The following SLC2A14 variants were observed in gnomAD, a reference collection of about 807,000 sequenced individuals.
SLC2A14 encodes the protein solute carrier family 2 member 14, also known as solute carrier family 2, facilitated glucose transporter member 14.
In SLC2A14, 13 loss-of-function variants were observed where a neutral mutation model predicts 43.0. The observed-to-expected ratio is 0.30, with a 90% CI of 0.20 to 0.48. The LOEUF is 0.48. SLC2A14 is among the 20% of genes least tolerant of loss of function. The pLI, the probability that SLC2A14 is intolerant of heterozygous loss-of-function variation, is 0.99. For synonymous variants in SLC2A14, 190 were observed against 233.8 expected (o/e 0.81, Z 1.71); for missense variants, 428 against 620.4 (o/e 0.69, Z 3.29).
At chr12:7,869,818 C>T in intron 2 of SLC2A14, 45 bp downstream of exon 2, 1 of 1,259,354 alleles carries the variant, frequency 7.9e-7, no homozygotes, top group Non-Finnish European at 1.1e-6. Flanking sequence ...ATCAACATAA[C>T]TCTGACAAAC....
chr12:7,835,831 C>T (rs985299748), intron 2 of SLC2A14, among the ~76,000 whole-genome samples: 1 of 152,294 alleles, frequency 6.6e-6, no homozygotes, highest in African/African-American at 2.4e-5. Flanking sequence ...GTTAAAGCAA[C>T]TTTTTAATCT....
At chr12:7,881,011 C>A (rs956156825) in intron 1 of SLC2A14, among the ~76,000 whole-genome samples, 6 of 152,070 alleles carry the variant, frequency 3.9e-5, no homozygotes, top group Non-Finnish European at 8.8e-5. Context: ...TGGTGGCAGG[C>A]GCCTGTTGTC....
chr12:7,885,929 A>G (rs1320681033), intron 1 of SLC2A14, among the ~76,000 whole-genome samples: 2 of 152,090 alleles, frequency 1.3e-5, no homozygotes, highest in Non-Finnish European at 2.9e-5. Context: ...TCATAGATAC[A>G]TATGTGAAGA....
At chr12:7,826,065 G>T (rs1220955355) in intron 7 of SLC2A14, among the ~76,000 whole-genome samples, 5 of 151,850 alleles carry the variant, frequency 3.3e-5, no homozygotes, top group Non-Finnish European at 7.4e-5. Context: ...TGCCTCACCT[G>T]CCTAGTCCCA....
At chr12:7,853,236 T>C (rs2120941144) in intron 2 of SLC2A14, among the ~76,000 whole-genome samples, 1 of 151,788 alleles carries the variant, frequency 6.6e-6, no homozygotes, top group African/African-American at 2.4e-5. Context: ...GTCAGGAGTT[T>C]GAGAGCAGCC....
chr12:7,816,013 G>C (rs939126846), intron 10 of SLC2A14, among the ~76,000 whole-genome samples: 28 of 151,838 alleles, frequency 1.8e-4, no homozygotes, highest in African/African-American at 6.5e-4. Flanking sequence ...CAATTCTCCT[G>C]CCTCAGCCTC....
chr12:7,829,191 G>A (rs1022025211), intron 5 of SLC2A14, among the ~76,000 whole-genome samples: 4 of 152,016 alleles, frequency 2.6e-5, no homozygotes, highest in Admixed American at 1.3e-4. Flanking sequence ...CAGACTGGGC[G>A]ACAGAGTGAG....
At chr12:7,875,553 C>T (rs1945449609), upstream of SLC2A14, among the ~76,000 whole-genome samples, 2 of 151,694 alleles carry the variant, frequency 1.3e-5, 1 homozygote, top group South Asian at 4.2e-4. Flanking sequence ...TTGAATGTTT[C>T]TACCCCCTCA....
At chr12:7,817,327 G>A (rs73060710) in intron 10 of SLC2A14, among the ~76,000 whole-genome samples, 1 of 151,714 alleles carries the variant, frequency 6.6e-6, no homozygotes, top group East Asian at 2.0e-4. Context: ...GTTGGTCAGA[G>A]TGGTCTCTAC....
At chr12:7,861,855 G>C (rs1016368758) in intron 2 of SLC2A14, among the ~76,000 whole-genome samples, 2 of 151,708 alleles carry the variant, frequency 1.3e-5, no homozygotes, top group African/African-American at 4.8e-5. Flanking sequence ...CCACCTACTC[G>C]GGAGGCTGAC....
chr12:7,888,522 G>C (rs992714505), intron 1 of SLC2A14, among the ~76,000 whole-genome samples: 1 of 151,982 alleles, frequency 6.6e-6, no homozygotes, highest in African/African-American at 2.4e-5. Context: ...TGGACTGGCC[G>C]GGTGCAGTGG....
intron 7 of SLC2A14, among the ~76,000 whole-genome samples, chr12:7,822,787 C>A (rs886543707): frequency 6.6e-6 from 1 of 152,154 alleles, no homozygotes; most frequent in African/African-American, 2.4e-5. Flanking sequence ...AAGTGATCCT[C>A]CTGCCTCTCA....
intron 1 of SLC2A14, among the ~76,000 whole-genome samples, chr12:7,878,972 G>A (rs1475990619): frequency 5.4e-5 from 3 of 55,740 alleles, no homozygotes; most frequent in African/African-American, 7.6e-5. Context: ...GCAAGAGTCC[G>A]TCTCAAAAAA....
chr12:7,877,049 G>C (rs774956800), upstream of SLC2A14, among the ~76,000 whole-genome samples: 9 of 149,502 alleles, frequency 6.0e-5, no homozygotes, highest in Non-Finnish European at 8.9e-5. Flanking sequence ...TGTCACCCAG[G>C]CTGCAGTGCA....
chr12:7,836,273 T>G (rs753097685), intron 2 of SLC2A14, among the ~76,000 whole-genome samples: 3 of 151,302 alleles, frequency 2.0e-5, no homozygotes, highest in Non-Finnish European at 2.9e-5. Flanking sequence ...CAGGCTGGTG[T>G]GCAGTGGCAT....
chr12:7,856,751 C>G (rs962412893), intron 2 of SLC2A14, among the ~76,000 whole-genome samples: 1 of 152,110 alleles, frequency 6.6e-6, no homozygotes, highest in African/African-American at 2.4e-5. Context: ...CTCGGCTCCA[C>G]CCCAGGCCTG....
chr12:7,836,544 T>C (rs1865478566), intron 2 of SLC2A14, among the ~76,000 whole-genome samples: 4 of 152,066 alleles, frequency 2.6e-5, no homozygotes, highest in Admixed American at 6.6e-5. Context: ...ATTAAAAATT[T>C]TTCTGCTGGG....
intron 1 of SLC2A14, among the ~76,000 whole-genome samples, chr12:7,890,484 T>C (rs964705610): frequency 6.6e-6 from 1 of 151,358 alleles, no homozygotes; most frequent in East Asian, 1.9e-4. Context: ...TGCACTTTTT[T>C]CAGTACTTAT....
intron 1 of SLC2A14, 45 bp from the exon 2 acceptor site, chr12:7,869,982 A>T: frequency 7.9e-7 from 1 of 1,273,628 alleles, no homozygotes. Context: ...CCATCTACTT[A>T]AGCTCCTTGA....
Sources: gnomAD v4.1 joint callset for allele counts (sites outside exome capture counted in the v4.1 genomes callset) on GRCh38, gnomAD v4.1.1 for gene constraint, MANE v1.5 for transcripts, NCBI Gene and HGNC (gene_info 2026-07-23, HGNC 2026-07-21) for gene names.